CWC27: variants seen among roughly 807,000 people sequenced by gnomAD.
CWC27 encodes spliceosome-associated protein CWC27 homolog.
A neutral mutation model predicts 63.6 loss-of-function variants in CWC27; 47 were observed. The observed-to-expected ratio is 0.74, with a 90% CI of 0.58 to 0.94. CWC27 has a LOEUF of 0.94. Ranked by LOEUF, CWC27 falls within the 40% of genes least tolerant of loss-of-function variation. The probability of loss-of-function intolerance (pLI) is 0.00; values close to 1 mark genes in which losing one functional copy is unlikely to be tolerated. For synonymous variants in CWC27, 175 were observed against 179.8 expected, an observed-to-expected ratio of 0.97 and a Z score of 0.22; for missense variants, 495 against 554.3, an observed-to-expected ratio of 0.89 and a Z score of 1.07.
intron 10 of CWC27, chr5:64,808,072 A>G (rs1744750978): frequency 8.0e-7 from 1 of 1,250,528 alleles, no homozygotes; most frequent in Non-Finnish European, 1.0e-6. Flanking sequence ...AATCTCTCTC[A>G]AGAACCTTAC....
chr5:64,808,959 A>G (rs1744783805), intron 10 of CWC27, among the ~76,000 whole-genome samples: 1 of 152,156 alleles, frequency 6.6e-6, no homozygotes, highest in Non-Finnish European at 1.5e-5. Context: ...CAATGTGTCT[A>G]TTAACTATAT....
intron 11 of CWC27, among the ~76,000 whole-genome samples, chr5:64,931,953 A>T (rs899318582): frequency 2.6e-5 from 4 of 152,014 alleles, no homozygotes; most frequent in Non-Finnish European, 5.9e-5. Flanking sequence ...TATTTTAAAC[A>T]TTTTGCAGAA....
intron 11 of CWC27, among the ~76,000 whole-genome samples, chr5:64,895,365 A>C (rs1299212086): frequency 6.6e-6 from 1 of 152,158 alleles, no homozygotes; most frequent in Non-Finnish European, 1.5e-5. Context: ...ATAAGAAAAA[A>C]TTTGAGGGAC....
intron 7 of CWC27, among the ~76,000 whole-genome samples, chr5:64,796,887 T>G (rs1744296795): frequency 7.1e-6 from 1 of 140,104 alleles, no homozygotes; most frequent in Non-Finnish European, 1.5e-5. Context: ...TTCTTTCCTC[T>G]CTTTCTGACT....
chr5:64,988,702 C>A lies in CWC27; in HGVS notation c.1256+11464C>A, dbSNP rs545143478. Among the ~76,000 whole-genome samples, 6 of 151,272 alleles carry A rather than the reference C, an allele frequency of 4.0e-5. No individual in the cohort carries two copies. The East Asian group carries it at 7.8e-4, about 20-fold the overall frequency. ...CACTGCAACCCCCACCTCCCGGGTT[C>A]AAGAGACTCTCTTGCCTCAGGCTCC... On this transcript the variant is annotated intron_variant, in intron 13 of 13. Transcript: ENST00000381070.
chr5:64,948,693 G>A (rs1040280392), intron 11 of CWC27, among the ~76,000 whole-genome samples: 4 of 151,900 alleles, frequency 2.6e-5, no homozygotes, highest in African/African-American at 9.7e-5. Context: ...TCATAATTTA[G>A]CAGTATTCAT....
Position 64,824,880 on chromosome 5 carries a change from G to A in CWC27, c.938+20494G>A, listed in dbSNP as rs186293370. ...CCCTAGTAGCTGGGACTACAGGCACGTACCACCATGCCTAGCTAATTTTTT... is the reference window on the plus strand; with the variant it reads ...CCCTAGTAGCTGGGACTACAGGCACATACCACCATGCCTAGCTAATTTTTT... On this transcript the variant is annotated intron_variant, in intron 10 of 13. Transcript: ENST00000381070. Among the ~76,000 whole-genome samples, 1,399 of 151,638 alleles carry A rather than the reference G, an allele frequency of 9.2e-3. 28 individuals carry two copies. The highest frequency in any genetic ancestry group is 0.033 in the African/African-American group (1,344 of 41,326).
chr5:64,774,754 G>A lies in CWC27; in HGVS notation c.106G>A (p.Ala36Thr), dbSNP rs762620409. 1.2e-6 allele frequency: 2 copies of A among 1,606,598 alleles called. No homozygotes were observed. The highest frequency in any genetic ancestry group is 1.7e-5 in the Admixed American group (1 of 59,012). The change falls in exon 2 of 14, where the codon GCT becomes ACT. Residue 36 changes from alanine (A) to threonine (T), a missense_variant. Around this residue, in one of 3 missense-constraint regions of CWC27, gnomAD observed 463 missense variants for 498.1 expected, o/e 0.93. Coordinates refer to ENST00000381070, the MANE Select transcript of CWC27 (RefSeq NM_005869.4). ...GTTGTGGTCCAAAGAAGCTCCTAAA[G>A]CTTGCAGAAATTTTATCCAACTTTG... Reference protein sequence around the residue: ...IELWSKEAPKACRNFIQLCLE... With the variant: ...IELWSKEAPKTCRNFIQLCLE...
chr5:64,952,017 A>C (rs1748720071), intron 11 of CWC27, among the ~76,000 whole-genome samples: 1 of 151,990 alleles, frequency 6.6e-6, no homozygotes, highest in Admixed American at 6.6e-5. Flanking sequence ...CTCAGTATCC[A>C]TGGAGGATTG....
At chr5:64,945,541 C>T (rs1748576408) in intron 11 of CWC27, among the ~76,000 whole-genome samples, 2 of 152,142 alleles carry the variant, frequency 1.3e-5, no homozygotes, top group Non-Finnish European at 2.9e-5. Context: ...TGTCTAAGTT[C>T]ATACTTGTGA....
intron 4 of CWC27, among the ~76,000 whole-genome samples, chr5:64,784,643 A>G (rs1398167870): frequency 6.6e-6 from 1 of 152,196 alleles, no homozygotes; most frequent in Non-Finnish European, 1.5e-5. Flanking sequence ...TACTGGGCAA[A>G]ACTGGATTTT....
intron 11 of CWC27, among the ~76,000 whole-genome samples, chr5:64,933,930 A>G (rs1256629151): frequency 1.3e-5 from 2 of 152,228 alleles, no homozygotes; most frequent in African/African-American, 2.4e-5. Flanking sequence ...AGTAATTTAC[A>G]AAGTCCAAAT....
At chr5:64,940,595 G>A (rs955212025) in intron 11 of CWC27, among the ~76,000 whole-genome samples, 1 of 151,982 alleles carries the variant, frequency 6.6e-6, no homozygotes, top group Non-Finnish European at 1.5e-5. Flanking sequence ...CTTAGTTTTA[G>A]TATTCACCAG....
At chr5:64,846,210 T>G (rs928610442) in intron 10 of CWC27, among the ~76,000 whole-genome samples, 6 of 152,182 alleles carry the variant, frequency 3.9e-5, no homozygotes, top group Admixed American at 3.9e-4. Context: ...ATTGCAAAAC[T>G]CAATGGTATA....
chr5:64,769,308 C>T (rs998993117), intron 1 of CWC27, 120 bp downstream of exon 1: 2 of 826,598 alleles, frequency 2.4e-6, no homozygotes, highest in African/African-American at 3.4e-5. Flanking sequence ...GAAGTGTTGT[C>T]TTTACTCCTG....
At chr5:64,849,835 G>T (rs1580672008) in intron 10 of CWC27, among the ~76,000 whole-genome samples, 1 of 152,036 alleles carries the variant, frequency 6.6e-6, no homozygotes, top group Admixed American at 6.6e-5. Context: ...TGGTGAAGAA[G>T]GTGCTTCCTT....
chr5:64,877,341 A>T lies in CWC27; in HGVS notation c.939-8102A>T, dbSNP rs533661875. ...AGACAAATATCGTATATTCTCAGTC[A>T]TATGTAGGAGCTAAAAACCTTGATC... On this transcript the variant is annotated intron_variant, in intron 10 of 13. Coordinates refer to ENST00000381070, the MANE Select transcript of CWC27 (RefSeq NM_005869.4). Among the ~76,000 whole-genome samples, 7 of 152,176 alleles carry T rather than the reference A, an allele frequency of 4.6e-5. No homozygotes were observed. The East Asian group carries it at 1.3e-3, about 29-fold the overall frequency.
chr5:64,846,296 G>A (rs1264401669), intron 10 of CWC27, among the ~76,000 whole-genome samples: 2 of 152,120 alleles, frequency 1.3e-5, no homozygotes, highest in Non-Finnish European at 2.9e-5. Flanking sequence ...CCTAGTACAT[G>A]AGTCAAAAAA....
intron 10 of CWC27, among the ~76,000 whole-genome samples, chr5:64,828,647 G>A (rs548867236): frequency 6.6e-6 from 1 of 152,104 alleles, no homozygotes; most frequent in Admixed American, 6.6e-5. Context: ...AACATTCAGA[G>A]AATAGTACCC....
Sources: gnomAD v4.1 joint callset for allele counts (sites outside exome capture counted in the v4.1 genomes callset) on GRCh38, gnomAD v4.1.1 for gene constraint, gnomAD v4.1.1 regional missense constraint, MANE v1.5 for transcripts, NCBI Gene and HGNC (gene_info 2026-07-23, HGNC 2026-07-21) for gene names.